Variants in EPB41L4A observed in about 807,000 individuals in gnomAD.
EPB41L4A encodes the protein erythrocyte membrane protein band 4.1 like 4A.
Under a neutral mutation model 108.6 loss-of-function variants are expected in EPB41L4A, and 100 were observed. That is an observed-to-expected ratio of 0.92 (90% CI 0.78 to 1.09). The LOEUF (loss-of-function observed/expected upper bound fraction) is 1.09, where lower values mean the gene tolerates loss of function less well. EPB41L4A is among the 50% of genes least tolerant of loss of function. The pLI is 0.00. For synonymous variants in EPB41L4A, 319 were observed against 289.0 expected (o/e 1.10, Z -1.05); for missense variants, 1,030 against 842.7 (o/e 1.22, Z -2.75).
intron 2 of EPB41L4A, among the ~76,000 whole-genome samples, chr5:112,301,894 T>C (rs190396625): frequency 6.6e-5 from 10 of 152,188 alleles, no homozygotes; most frequent in Admixed American, 6.5e-4. Context: ...ATGTATATTA[T>C]GGATATATGT....
chr5:112,378,328 T>C (rs1331258552), intron 1 of EPB41L4A, among the ~76,000 whole-genome samples: 1 of 152,152 alleles, frequency 6.6e-6, no homozygotes, highest in East Asian at 1.9e-4. Context: ...AGAATGCAAG[T>C]TACCTAGAGC....
chr5:112,411,441 G>A (rs1363777496), intron 1 of EPB41L4A, among the ~76,000 whole-genome samples: 2 of 152,052 alleles, frequency 1.3e-5, no homozygotes, highest in Non-Finnish European at 2.9e-5. Flanking sequence ...GCAGAGATTC[G>A]ATATCCCAAA....
intron 1 of EPB41L4A, among the ~76,000 whole-genome samples, chr5:112,323,996 C>T (rs1432404900): frequency 1.3e-5 from 2 of 152,110 alleles, no homozygotes; most frequent in African/African-American, 4.8e-5. Context: ...CTTTTTTCAA[C>T]ATGCAAGAAC....
At chr5:112,178,999 T>C (rs1320091761) in intron 18 of EPB41L4A, among the ~76,000 whole-genome samples, 5 of 151,756 alleles carry the variant, frequency 3.3e-5, no homozygotes, top group Non-Finnish European at 5.9e-5. Flanking sequence ...AAAACACAAA[T>C]CACCAACATC....
At chr5:112,341,753 A>AACACAC (rs5870494) in intron 1 of EPB41L4A, among the ~76,000 whole-genome samples, 14 of 149,472 alleles carry the variant, frequency 9.4e-5, no homozygotes, top group South Asian at 2.1e-4. Flanking sequence ...CACTATTTAA[A>AACACAC]ACACACACAC....
intron 6 of EPB41L4A, 58 bp downstream of exon 6, chr5:112,264,838 A>C: frequency 6.5e-7 from 1 of 1,538,230 alleles, no homozygotes; most frequent in Non-Finnish European, 8.8e-7. Flanking sequence ...TTTCTTGTGA[A>C]TATCAGAAGA....
chr5:112,156,679 T>A (rs1331095352), intron 12 of EPB41L4A, among the ~76,000 whole-genome samples: 1 of 152,168 alleles, frequency 6.6e-6, no homozygotes, highest in Non-Finnish European at 1.5e-5. Flanking sequence ...AGTTGATACA[T>A]AAAATCGACT....
chr5:112,280,399 A>C, intron 2 of EPB41L4A, 76 bp from the exon 3 acceptor site: 1 of 1,336,668 alleles, frequency 7.5e-7, no homozygotes, highest in Non-Finnish European at 1.1e-6. Context: ...TATTTGCAAA[A>C]TGTTATTTAA....
chr5:112,214,535 G>C (rs952964538), intron 12 of EPB41L4A, among the ~76,000 whole-genome samples: 1 of 152,002 alleles, frequency 6.6e-6, no homozygotes, highest in Non-Finnish European at 1.5e-5. Context: ...AGGCCGAGGC[G>C]GGCGGATCAT....
intron 12 of EPB41L4A, among the ~76,000 whole-genome samples, chr5:112,234,191 AAAATAAAATAAAATAAAATAT>A (rs1484298443): frequency 2.8e-5 from 4 of 143,772 alleles, no homozygotes; most frequent in South Asian, 2.2e-4. Context: ...AAATTAAAAT[AAAATAAAATAAAATAAAATAT>A]AAATAAAATA....
At chr5:112,256,901 T>C (rs1346102217) in intron 9 of EPB41L4A, 2 of 152,220 alleles carry the variant, frequency 1.3e-5, no homozygotes, top group Non-Finnish European at 2.9e-5. Flanking sequence ...ATGTACGATC[T>C]TTATACTAAA....
chr5:112,165,095 G>A lies in EPB41L4A; in HGVS notation c.1956C>T (p.Ser652=), dbSNP rs200449454. The A allele has an allele frequency of 2.2e-5, 34 of 1,580,806 alleles. No homozygotes were observed. The highest frequency in any genetic ancestry group is 2.9e-5 in the Non-Finnish European group (34 of 1,168,406). Residue 652 remains serine (S), a synonymous_variant, in exon 23 of 23, where the codon AGC becomes AGT. Transcript: ENST00000261486. ...VHQRRNGSKD[S]LMEEKPQTST... is the part of the protein sequence containing the mutation. Reference sequence around the variant, plus strand: ...ATGTCTGAGGTTTTTCTTCCATCAGGCTATCTTTAGACCCATTTCTTCTCT... The same window carrying A: ...ATGTCTGAGGTTTTTCTTCCATCAGACTATCTTTAGACCCATTTCTTCTCT...
At chr5:112,335,570 G>A (rs550184895) in intron 1 of EPB41L4A, among the ~76,000 whole-genome samples, 8 of 152,042 alleles carry the variant, frequency 5.3e-5, no homozygotes, top group African/African-American at 1.7e-4. Context: ...ACATTTTTAC[G>A]ACTAGAACAG....
At chr5:112,277,939 T>TG (rs1752715256) in intron 3 of EPB41L4A, among the ~76,000 whole-genome samples, 1 of 152,226 alleles carries the variant, frequency 6.6e-6, no homozygotes, top group Non-Finnish European at 1.5e-5. Context: ...AAGTTAATAT[T>TG]GTTTCACTTT....
At chr5:112,356,592 C>T (rs1016228071) in intron 1 of EPB41L4A, among the ~76,000 whole-genome samples, 4 of 152,186 alleles carry the variant, frequency 2.6e-5, no homozygotes, top group African/African-American at 9.7e-5. Context: ...ATCAAAAATA[C>T]ACTTCTGCAT....
At chr5:112,312,002 C>T (rs1580662488) in intron 1 of EPB41L4A, among the ~76,000 whole-genome samples, 1 of 152,154 alleles carries the variant, frequency 6.6e-6, no homozygotes, top group African/African-American at 2.4e-5. Context: ...CCTGAAATTA[C>T]GTATGACAAT....
chr5:112,229,748 G>A (rs964689890), intron 12 of EPB41L4A, among the ~76,000 whole-genome samples: 10 of 152,198 alleles, frequency 6.6e-5, no homozygotes, highest in East Asian at 1.9e-4. Context: ...CAGCACTTTC[G>A]GAGGCCAAGG....
chr5:112,233,220 A>G (rs1037764842), intron 12 of EPB41L4A, among the ~76,000 whole-genome samples: 12 of 152,230 alleles, frequency 7.9e-5, no homozygotes, highest in African/African-American at 2.9e-4. Flanking sequence ...TCTAATGTTA[A>G]AAACAGGCAA....
rs769134930 is a variant in EPB41L4A at position 112,301,949 on chromosome 5, A to G, written c.204+5437T>C. On this transcript the variant is annotated intron_variant, in intron 2 of 22. Transcript: ENST00000261486. The stretch of plus-strand genomic sequence containing the variant: ...AATAACATTTTAGGGAGAAAGTAGA[A>G]TAGGAATACAAGTTTAACGACATAA... Among the ~76,000 whole-genome samples the G allele has an allele frequency of 9.9e-4, 151 of 152,168 alleles. No homozygotes were observed. The Middle Eastern group carries it at 0.017, about 17-fold the overall frequency.
Sources: allele counts gnomAD v4.1 joint callset (sites outside exome capture counted in the v4.1 genomes callset), GRCh38; gene constraint gnomAD v4.1.1; transcripts MANE v1.5; gene names NCBI Gene and HGNC (gene_info 2026-07-23, HGNC 2026-07-21).